Variants in CCDC179 observed in about 807,000 individuals in gnomAD.
The protein encoded by CCDC179 is coiled-coil domain-containing protein 179.
A neutral mutation model predicts 12.0 loss-of-function variants in CCDC179; 17 were observed. The observed-to-expected ratio is 1.42, with a 90% CI of 0.97 to 2.13. The LOEUF is 2.13. Among genes scored for constraint, CCDC179 ranks in the 30% most tolerant of loss-of-function variants. CCDC179 has a pLI of 0.00. For synonymous variants in CCDC179, 27 were observed against 26.4 expected (o/e 1.02, Z -0.07); for missense variants, 83 against 78.6 (o/e 1.06, Z -0.21).
chr11:22,853,883 G>A (rs1858476924), intron 3 of CCDC179, among the ~76,000 whole-genome samples: 1 of 151,920 alleles, frequency 6.6e-6, no homozygotes, highest in African/African-American at 2.4e-5. Context: ...TCTACATCTA[G>A]ACTTATGAAA....
chr11:22,849,571 T>G (rs972868130), intron 3 of CCDC179, among the ~76,000 whole-genome samples: 1 of 152,172 alleles, frequency 6.6e-6, no homozygotes, highest in Admixed American at 6.5e-5. Flanking sequence ...GTTATATTCA[T>G]AAGTTTTTTA....
rs1858635419 is a variant in CCDC179 at position 22,860,438 on chromosome 11, G to A, written c.-17C>T. The A allele has an allele frequency of 1.3e-6, 2 of 1,533,412 alleles. No homozygotes were observed. Among genetic ancestry groups the A allele is most frequent in the East Asian group, 4.9e-5 (2 of 40,714 alleles). The allele number at this position is 1,533,412 out of a possible 1,614,324, so 95.0% of individuals were successfully genotyped here. A position where few individuals can be genotyped will look rare whatever the true frequency, so the allele number is the denominator to read the frequency against. On this transcript the variant is annotated 5_prime_UTR_variant, in exon 1 of 4. Coordinates refer to ENST00000532798, the MANE Select transcript of CCDC179 (RefSeq NM_001195637.2). The stretch of plus-strand genomic sequence containing the variant: ...CAGGCACATGCCGTGGAGCCTTAGG[G>A]CGCCCCCTGACGCCTACTGCCTGTC...
chr11:22,852,465 A>G (rs939414529), intron 3 of CCDC179, among the ~76,000 whole-genome samples: 13 of 152,174 alleles, frequency 8.5e-5, no homozygotes, highest in African/African-American at 2.9e-4. Context: ...AAGATTTGCA[A>G]CTTCCCCTAT....
intron 3 of CCDC179, among the ~76,000 whole-genome samples, chr11:22,856,197 C>T (rs776484687): frequency 6.6e-6 from 1 of 151,270 alleles, no homozygotes; most frequent in African/African-American, 2.4e-5. Flanking sequence ...AATACCAAAA[C>T]CAGAAAAAGA....
At position 22,857,912 on chromosome 11, in the gene CCDC179, C is replaced by T. The variant is rs1308880628; in HGVS notation, c.195+10G>A. The stretch of plus-strand genomic sequence containing the variant: ...TGATCTGTTAATTTCAGTGAAACCT[C>T]TATACTTACTAGGAGTCCTGGTTCT... On this transcript the variant is annotated intron_variant, in intron 3 of 3. Coordinates refer to ENST00000532798, the MANE Select transcript of CCDC179 (RefSeq NM_001195637.2). The T allele has an allele frequency of 7.2e-7, 1 of 1,382,698 alleles. No homozygotes were observed. The highest frequency in any genetic ancestry group is 9.8e-7 in the Non-Finnish European group (1 of 1,025,444). 85.7% of individuals were successfully genotyped at this position (1,382,698 alleles called of 1,614,324 possible).
At chr11:22,848,245 A>G (rs1858274377) in intron 3 of CCDC179, among the ~76,000 whole-genome samples, 1 of 152,160 alleles carries the variant, frequency 6.6e-6, no homozygotes, top group South Asian at 2.1e-4. Flanking sequence ...GGAATTTGAA[A>G]CCAGCCTGGC....
chr11:22,856,787 A>G (rs1416097186), intron 3 of CCDC179, among the ~76,000 whole-genome samples: 1 of 151,614 alleles, frequency 6.6e-6, no homozygotes, highest in Non-Finnish European at 1.5e-5. Context: ...ACAATAAAAA[A>G]CAAACAAAAA....
chr11:22,860,077 C>T (rs1858626879), intron 1 of CCDC179, among the ~76,000 whole-genome samples: 1 of 152,208 alleles, frequency 6.6e-6, no homozygotes, highest in Admixed American at 6.5e-5. Context: ...CAATTGAGAA[C>T]TTTATCCTGC....
At chr11:22,847,686 A>G (rs1283639820) in intron 3 of CCDC179, among the ~76,000 whole-genome samples, 165 bp from the exon 4 acceptor site, 2 of 152,174 alleles carry the variant, frequency 1.3e-5, no homozygotes, top group African/African-American at 4.8e-5. Flanking sequence ...GCTATTTTAA[A>G]CTAAAGTAAG....
At chr11:22,854,663 A>G (rs1001163142) in intron 3 of CCDC179, among the ~76,000 whole-genome samples, 13 of 151,814 alleles carry the variant, frequency 8.6e-5, no homozygotes, top group African/African-American at 3.1e-4. Context: ...GGAAAAGTAA[A>G]TGGCATAAAT....
intron 3 of CCDC179, among the ~76,000 whole-genome samples, chr11:22,854,612 T>G (rs1490833442): frequency 2.0e-5 from 3 of 151,726 alleles, no homozygotes; most frequent in Admixed American, 6.6e-5. Flanking sequence ...GAATATTAAA[T>G]AATATGAATT....
chr11:22,848,596 G>C (rs1311189070), intron 3 of CCDC179, among the ~76,000 whole-genome samples: 3 of 152,136 alleles, frequency 2.0e-5, no homozygotes, highest in Non-Finnish European at 4.4e-5. Flanking sequence ...TAGGAATTCA[G>C]GCTTTTATTT....
chr11:22,847,664 A>G (rs748357308), intron 3 of CCDC179, 143 bp from the exon 4 acceptor site: 92 of 413,006 alleles, frequency 2.2e-4, no homozygotes, highest in Non-Finnish European at 3.4e-4. Flanking sequence ...ATAATCATTA[A>G]TAGCTAGGAA....
chr11:22,854,199 TAAG>T (rs1858484085), intron 3 of CCDC179, among the ~76,000 whole-genome samples: 2 of 151,816 alleles, frequency 1.3e-5, no homozygotes, highest in East Asian at 1.9e-4. Flanking sequence ...CAGCAATAGT[TAAG>T]AAGTTTTCAG....
At chr11:22,852,840 A>C (rs1449320148) in intron 3 of CCDC179, among the ~76,000 whole-genome samples, 1 of 152,218 alleles carries the variant, frequency 6.6e-6, no homozygotes, top group Admixed American at 6.5e-5. Flanking sequence ...AATTGGCTCT[A>C]TCTGGGTAGT....
chr11:22,847,404 A>G lies in CCDC179; in HGVS notation c.*106T>C. ...GTTTATTTTTCCGAAATGGTGGAGT[A>G]TTGCATTTATTTTGTGGATGATCAA... On this transcript the variant is annotated 3_prime_UTR_variant, in exon 4 of 4. Transcript: ENST00000532798. 3.2e-6 allele frequency: 2 copies of G among 624,206 alleles called. No homozygotes were observed. Among genetic ancestry groups the G allele is most frequent in the East Asian group, 3.3e-5 (1 of 30,612 alleles). 38.7% of individuals were successfully genotyped at this position (624,206 alleles called of 1,614,324 possible).
intron 3 of CCDC179, among the ~76,000 whole-genome samples, chr11:22,855,459 C>A (rs577589398): frequency 6.6e-6 from 1 of 151,184 alleles, no homozygotes; most frequent in South Asian, 2.1e-4. Context: ...GCACATAGAT[C>A]GATGAAGAGG....
chr11:22,854,438 G>T (rs1858489045), intron 3 of CCDC179, among the ~76,000 whole-genome samples: 2 of 151,686 alleles, frequency 1.3e-5, no homozygotes, highest in African/African-American at 4.8e-5. Flanking sequence ...AGGGGAATGG[G>T]AATACTATGT....
chr11:22,860,140 T>G (rs1006171510), intron 1 of CCDC179, among the ~76,000 whole-genome samples: 10 of 152,162 alleles, frequency 6.6e-5, no homozygotes, highest in African/African-American at 2.4e-4. Flanking sequence ...AATGGGGCAG[T>G]CAACATACAG....
Sources: allele counts gnomAD v4.1 joint callset (sites outside exome capture counted in the v4.1 genomes callset), GRCh38; gene constraint gnomAD v4.1.1; transcripts MANE v1.5; gene names NCBI Gene and HGNC (gene_info 2026-07-23, HGNC 2026-07-21).